Variants in FMN1 observed in about 807,000 individuals in gnomAD.
The protein encoded by FMN1 is formin-1.
A neutral mutation model predicts 132.4 loss-of-function variants in FMN1; 110 were observed. That is an observed-to-expected ratio of 0.83 (90% CI 0.71 to 0.97). The LOEUF is 0.97. FMN1 is among the 50% of genes least tolerant of loss of function. The pLI is 0.00. For synonymous variants in FMN1, 722 were observed against 651.7 expected (o/e 1.11, Z -1.64); for missense variants, 1,792 against 1,705.3 (o/e 1.05, Z -0.90).
At chr15:32,802,203 T>C (rs2057503661) in intron 18 of FMN1, among the ~76,000 whole-genome samples, 1 of 152,226 alleles carries the variant, frequency 6.6e-6, no homozygotes. Context: ...CTTTTCTCTC[T>C]GCTATAATTC....
intron 4 of FMN1, among the ~76,000 whole-genome samples, chr15:33,131,189 T>G (rs1276681648): frequency 6.6e-6 from 1 of 151,778 alleles, no homozygotes. Context: ...ATTAGCTAGG[T>G]GTGGTGGTGG....
chr15:32,994,603 G>C lies in FMN1; in HGVS notation c.2223+13411C>G, dbSNP rs527436389. On this transcript the variant is annotated intron_variant, in intron 7 of 20. Coordinates refer to ENST00000616417, the MANE Select transcript of FMN1 (RefSeq NM_001277313.2). The stretch of plus-strand genomic sequence containing the variant: ...TCTGAATGGACTACAAGCTCCAAGA[G>C]AGTGGGGCCTATTATCTGTCCTGCT... Among the ~76,000 whole-genome samples the C allele has an allele frequency of 1.9e-3, 283 of 152,306 alleles. 4 individuals are homozygous for C. The highest frequency in any genetic ancestry group is 6.6e-3 in the African/African-American group (275 of 41,554).
At chr15:33,055,697 A>T (rs2037185759) in intron 6 of FMN1, among the ~76,000 whole-genome samples, 1 of 152,200 alleles carries the variant, frequency 6.6e-6, no homozygotes, top group Non-Finnish European at 1.5e-5. Context: ...AAAGATAATT[A>T]AAATATATGT....
rs1272099460 is a variant in FMN1 at position 32,769,035 on chromosome 15, AGAG to A, written c.*5272_*5274del. 5.3e-5 allele frequency: 8 copies of A among 152,264 alleles called. No homozygotes were observed. The highest frequency in any genetic ancestry group is 1.2e-4 in the Non-Finnish European group (8 of 68,020). 9.4% of individuals were successfully genotyped at this position (152,264 alleles called of 1,614,324 possible). ...CATAGTTAGGAGAAGGGCTGGGGAT[AGAG>A]GAGGAAATGAGTTCCGTAAGTTCCA... On this transcript the variant is annotated 3_prime_UTR_variant, in exon 21 of 21. Coordinates refer to ENST00000616417, the MANE Select transcript of FMN1 (RefSeq NM_001277313.2).
In FMN1 at chr15:32,828,028, C is replaced by T. The variant is rs148859089; in HGVS notation, c.3929-23696G>A. On this transcript the variant is annotated intron_variant, in intron 17 of 20. Coordinates refer to ENST00000616417, the MANE Select transcript of FMN1 (RefSeq NM_001277313.2). ...CGGACCCAGGCTGGGTGTGGTGGCTCATGCCTGTAATCCCAGCACTTTGGA... is the reference window on the plus strand; with the variant it reads ...CGGACCCAGGCTGGGTGTGGTGGCTTATGCCTGTAATCCCAGCACTTTGGA... Among the ~76,000 whole-genome samples, 928 of 152,286 alleles carry T rather than the reference C, an allele frequency of 6.1e-3. 7 individuals carry two copies. The highest frequency in any genetic ancestry group is 0.021 in the African/African-American group (870 of 41,564).
At chr15:33,183,824 G>A (rs561117571) in intron 2 of FMN1, among the ~76,000 whole-genome samples, 17 of 152,282 alleles carry the variant, frequency 1.1e-4, no homozygotes, top group African/African-American at 4.1e-4. Flanking sequence ...TACTCAGGAG[G>A]TGGGGAGAAA....
intron 16 of FMN1, among the ~76,000 whole-genome samples, chr15:32,878,587 G>A (rs1324429840): frequency 6.6e-6 from 1 of 152,150 alleles, no homozygotes; most frequent in Non-Finnish European, 1.5e-5. Context: ...GGAAAAGTAT[G>A]ACACATTTGG....
At chr15:33,064,921 A>G (rs1245429723) in intron 6 of FMN1, 36 bp downstream of exon 6, 1 of 1,447,384 alleles carries the variant, frequency 6.9e-7, no homozygotes, top group Middle Eastern at 1.7e-4. Context: ...GCAGGAAGAG[A>G]TTCATTCCCG....
intron 5 of FMN1, chr15:33,067,424 C>T: frequency 6.2e-7 from 1 of 1,614,024 alleles, no homozygotes; most frequent in Non-Finnish European, 8.5e-7. Flanking sequence ...TGGCTCCTGG[C>T]CACCATCATC....
At chr15:32,897,546 G>A (rs891141854) in intron 15 of FMN1, among the ~76,000 whole-genome samples, 1 of 152,208 alleles carries the variant, frequency 6.6e-6, no homozygotes, top group African/African-American at 2.4e-5. Flanking sequence ...CAGGGTGTGT[G>A]TGGAAAACAT....
intron 6 of FMN1, among the ~76,000 whole-genome samples, chr15:33,034,043 C>T (rs1227838107): frequency 6.6e-6 from 1 of 152,060 alleles, no homozygotes; most frequent in Non-Finnish European, 1.5e-5. Context: ...TCTACGTTCA[C>T]CATCTCATCC....
chr15:32,983,828 T>C (rs56703510), intron 7 of FMN1, among the ~76,000 whole-genome samples: 18,980 of 152,144 alleles, frequency 0.12, 1,837 homozygotes, highest in African/African-American at 0.27. Flanking sequence ...CTATGACCCA[T>C]CTTTTAGAGG....
chr15:33,048,644 A>AAACAAAAAAAAACAAAAAC lies in FMN1; in HGVS notation c.2161+16312_2161+16313insGTTTTTGTTTTTTTTTGTT, dbSNP rs1555388954. ...TGGGCAATTTACCAAAAAAAAAAAA[A>AAACAAAAAAAAACAAAAAC]AAAAACCAACAGTTTAATGGACTTA... On this transcript the variant is annotated intron_variant, in intron 6 of 20. Transcript: ENST00000616417. Among the ~76,000 whole-genome samples the AAACAAAAAAAAACAAAAAC allele has an allele frequency of 4.6e-5, 4 of 86,948 alleles. 1 individual carries two copies. Among genetic ancestry groups the AAACAAAAAAAAACAAAAAC allele is most frequent in the Admixed American group, 1.6e-4 (1 of 6,302 alleles). The allele number at this position is 86,948 out of a possible 152,430, so 57.0% of individuals were successfully genotyped here.
At chr15:32,793,439 C>T (rs2057162767) in intron 19 of FMN1, among the ~76,000 whole-genome samples, 1 of 152,044 alleles carries the variant, frequency 6.6e-6, no homozygotes, top group African/African-American at 2.4e-5. Context: ...ACCACCACAC[C>T]CAGCCAAGTT....
intron 16 of FMN1, among the ~76,000 whole-genome samples, chr15:32,865,598 A>G (rs1255871455): frequency 6.6e-6 from 1 of 152,232 alleles, no homozygotes; most frequent in African/African-American, 2.4e-5. Flanking sequence ...GCACTTTGGG[A>G]GGACAAGGCG....
chr15:33,194,133 T>C (rs1027722750), intron 1 of FMN1, 73 bp from the exon 2 acceptor site: 2 of 149,122 alleles, frequency 1.3e-5, no homozygotes, highest in Non-Finnish European at 2.9e-5. Context: ...AAGCTGCTTC[T>C]GTTCCCAATG....
At chr15:33,035,598 T>G (rs1246674554) in intron 6 of FMN1, among the ~76,000 whole-genome samples, 1 of 152,184 alleles carries the variant, frequency 6.6e-6, no homozygotes, top group African/African-American at 2.4e-5. Flanking sequence ...CTTATTTGGT[T>G]GCTCAAATGT....
intron 6 of FMN1, among the ~76,000 whole-genome samples, chr15:33,013,532 G>T (rs1209524743): frequency 6.6e-6 from 1 of 152,150 alleles, no homozygotes; most frequent in Non-Finnish European, 1.5e-5. Context: ...GGTGTTAAAT[G>T]AAAAATTATT....
chr15:32,926,709 G>A (rs1333772853), intron 9 of FMN1, among the ~76,000 whole-genome samples: 1 of 152,188 alleles, frequency 6.6e-6, no homozygotes, highest in Admixed American at 6.5e-5. Context: ...AGCTGAGTCA[G>A]CCACCAGTGA....
Sources: gnomAD v4.1 joint callset for allele counts (sites outside exome capture counted in the v4.1 genomes callset) on GRCh38, gnomAD v4.1.1 for gene constraint, MANE v1.5 for transcripts, NCBI Gene and HGNC (gene_info 2026-07-23, HGNC 2026-07-21) for gene names.